OR2V2: variants seen among roughly 807,000 people sequenced by gnomAD.
OR2V2 encodes olfactory receptor family 2 subfamily V member 2.
For missense variants in OR2V2, 392 were observed against 392.2 expected, an observed-to-expected ratio of 1.00 and a Z score of 0.00; for synonymous variants, 161 against 151.3, an observed-to-expected ratio of 1.06 and a Z score of -0.47.
At chr5:181,153,252 T>C (rs193114576) in intron 1 of OR2V2, among the ~76,000 whole-genome samples, 1 of 152,364 alleles carries the variant, frequency 6.6e-6, no homozygotes, top group Non-Finnish European at 1.5e-5. Flanking sequence ...TGATCTGTTC[T>C]GTTATTTGCC....
At chr5:181,154,308 G>A (rs1763227764) in intron 1 of OR2V2, among the ~76,000 whole-genome samples, 2 of 152,114 alleles carry the variant, frequency 1.3e-5, no homozygotes, top group South Asian at 2.1e-4. Context: ...ATTCGGTATC[G>A]GCCGGGCGCG....
Position 181,147,777 on chromosome 5 carries a change from C to T in OR2V2, c.-243C>T, listed in dbSNP as rs1409603306. The T allele has an allele frequency of 1.3e-5, 5 of 388,034 alleles. No homozygotes were observed. Among genetic ancestry groups the T allele is most frequent in the East Asian group, 7.2e-5 (2 of 27,590 alleles). 24.0% of individuals were successfully genotyped at this position (388,034 alleles called of 1,614,324 possible). On this transcript the variant is annotated 5_prime_UTR_variant, in exon 1 of 2. Transcript: ENST00000641492. ...GGCTGTGGTCTGTGTGAGCCTCGCT[C>T]TCTGAGCCTGAGGGGCCACTGGAGG...
In OR2V2 at chr5:181,155,617, T is replaced by A; in HGVS notation, c.675T>A (p.Thr225=). The A allele has an allele frequency of 6.2e-7, 1 of 1,614,248 alleles. No homozygotes were observed. Among genetic ancestry groups the A allele is most frequent in the South Asian group, 1.1e-5 (1 of 91,084 alleles). ...CCTCCTATGCTCACATTCTAGGGAC[T>A]GTGCTGCAAATGCACTCTGCTCAGG... ...IVASYAHILG[T]VLQMHSAQAW... The change falls in exon 2 of 2, where the codon ACT becomes ACA. Residue 225 remains threonine (T), a synonymous_variant. Coordinates refer to ENST00000641492, the MANE Select transcript of OR2V2 (RefSeq NM_206880.2).
chr5:181,155,086 C>T lies in OR2V2; in HGVS notation c.144C>T (p.Phe48=). Residue 48 remains phenylalanine (F), a synonymous_variant, in exon 2 of 2, where the codon TTC becomes TTT. Coordinates refer to ENST00000641492, the MANE Select transcript of OR2V2 (RefSeq NM_206880.2). ...TCTGTGGGAATGTCCTCCTCATCTT[C>T]CTCATCTACATGGACCCTCACCTTC... ...VALCGNVLLI[F]LIYMDPHLHT... 1 of 1,614,194 alleles carries T rather than the reference C, an allele frequency of 6.2e-7. No individual in the cohort carries two copies.
intron 1 of OR2V2, among the ~76,000 whole-genome samples, chr5:181,152,788 G>A (rs1378948568): frequency 6.6e-6 from 1 of 152,240 alleles, no homozygotes; most frequent in Non-Finnish European, 1.5e-5. Context: ...GCCACGTGGT[G>A]AGGCACCTGC....
chr5:181,155,471 C>A lies in OR2V2; in HGVS notation c.529C>A (p.His177Asn), dbSNP rs756197727. ...FPYCGLRKVN[H>N]FFCEMLSLLK... ...CTACTGTGGCTTGAGGAAGGTGAAC[C>A]ATTTCTTCTGTGAGATGCTATCCTT... Residue 177 changes from histidine to asparagine, a missense_variant, in exon 2 of 2, where the codon CAT becomes AAT. By Grantham distance (68) the His-to-Asn change is moderately conservative. Coordinates refer to ENST00000641492, the MANE Select transcript of OR2V2 (RefSeq NM_206880.2). 6.2e-7 allele frequency: 1 copy of A among 1,614,176 alleles called. No individual in the cohort carries two copies. Among genetic ancestry groups the A allele is most frequent in the Non-Finnish European group, 8.5e-7 (1 of 1,180,044 alleles).
At position 181,155,586 on chromosome 5, in the gene OR2V2, T is replaced by C; in HGVS notation, c.644T>C (p.Ile215Thr). The change falls in exon 2 of 2, where the codon ATC becomes ACC. Residue 215 changes from isoleucine (I) to threonine (T), a missense_variant. Physicochemically the swap from Ile to Thr is moderately conservative, Grantham distance 89. Coordinates refer to ENST00000641492, the MANE Select transcript of OR2V2 (RefSeq NM_206880.2). ...VFMLLFPFSI[I>T]VASYAHILGT... Reference sequence around the variant, plus strand: ...ATGCTTCTCTTCCCATTCTCCATCATCGTGGCCTCCTATGCTCACATTCTA... The same window carrying C: ...ATGCTTCTCTTCCCATTCTCCATCACCGTGGCCTCCTATGCTCACATTCTA... 1 of 1,614,258 alleles carries C rather than the reference T, an allele frequency of 6.2e-7. No individual in the cohort carries two copies.
At chr5:181,154,463 G>T (rs780000924) in intron 1 of OR2V2, among the ~76,000 whole-genome samples, 2 of 152,026 alleles carry the variant, frequency 1.3e-5, no homozygotes, top group South Asian at 2.1e-4. Flanking sequence ...GGTGGCGGGC[G>T]CCTGTAGTCC....
At chr5:181,153,719 G>A (rs1484330311) in intron 1 of OR2V2, among the ~76,000 whole-genome samples, 1 of 152,098 alleles carries the variant, frequency 6.6e-6, no homozygotes, top group Admixed American at 6.6e-5. Flanking sequence ...TAAATATCAA[G>A]GGAAACCCCT....
In OR2V2 at chr5:181,147,652, G is replaced by A; in HGVS notation, c.-368G>A. 1 of 243,060 alleles carries A rather than the reference G, an allele frequency of 4.1e-6. No homozygotes were observed. 15.1% of individuals were successfully genotyped at this position (243,060 alleles called of 1,614,324 possible). On this transcript the variant is annotated 5_prime_UTR_variant, in exon 1 of 2. Transcript: ENST00000641492. ...TGGCCAGAGCCAGGGTGTCCTGGAGGCAGGTGGGAATCCTGGGTGGGCTCA... is the reference window on the plus strand; with the variant it reads ...TGGCCAGAGCCAGGGTGTCCTGGAGACAGGTGGGAATCCTGGGTGGGCTCA...
rs377285819 is a variant in OR2V2 at position 181,147,841 on chromosome 5, G to A, written c.-179G>A. The A allele has an allele frequency of 1.3e-4, 52 of 395,296 alleles. No individual in the cohort carries two copies. Among genetic ancestry groups the A allele is most frequent in the Non-Finnish European group, 2.1e-4 (47 of 224,428 alleles). The allele number at this position is 395,296 out of a possible 1,614,324, so 24.5% of individuals were successfully genotyped here. On this transcript the variant is annotated 5_prime_UTR_variant, in exon 1 of 2. Coordinates refer to ENST00000641492, the MANE Select transcript of OR2V2 (RefSeq NM_206880.2). ...GGGCTCCACAGCCCGATGAGTAGTC[G>A]GTGCGGGCTGAGGAAGGAGGTTGGG...
rs1310258482 is a variant in OR2V2, at chr5:181,156,749, A to G, written c.*859A>G. ...TTGTAGCCCAACCCTAGGGTCTTAA[A>G]TGAACAACTTACAGATGACAGAAAA... On this transcript the variant is annotated 3_prime_UTR_variant, in exon 2 of 2. Transcript: ENST00000641492. 1 of 152,228 alleles carries G rather than the reference A, an allele frequency of 6.6e-6. No individual in the cohort carries two copies. Among genetic ancestry groups the G allele is most frequent in the African/African-American group, 2.4e-5 (1 of 41,458 alleles). The allele number at this position is 152,228 out of a possible 1,614,324, so 9.4% of individuals were successfully genotyped here. A position where few individuals can be genotyped will look rare whatever the true frequency, so the allele number is the denominator to read the frequency against.
rs1020525763 is a variant in OR2V2 at position 181,156,912 on chromosome 5, A to G, written c.*1022A>G. 6.6e-6 allele frequency: 1 copy of G among 152,240 alleles called. No individual in the cohort carries two copies. Among genetic ancestry groups the G allele is most frequent in the African/African-American group, 2.4e-5 (1 of 41,448 alleles). 9.4% of individuals were successfully genotyped at this position (152,240 alleles called of 1,614,324 possible). A position where few individuals can be genotyped will look rare whatever the true frequency, so the allele number is the denominator to read the frequency against. ...CATGCTTGCTTGTGTATTCAGTGGAAATCCCCCAAGCCTGCTGTCTCCTCA... is the reference window on the plus strand; with the variant it reads ...CATGCTTGCTTGTGTATTCAGTGGAGATCCCCCAAGCCTGCTGTCTCCTCA... On this transcript the variant is annotated 3_prime_UTR_variant, in exon 2 of 2. Coordinates refer to ENST00000641492, the MANE Select transcript of OR2V2 (RefSeq NM_206880.2).
rs1306057460 is a variant in OR2V2, at chr5:181,158,784, T to C, written c.*2894T>C. On this transcript the variant is annotated 3_prime_UTR_variant, in exon 2 of 2. Transcript: ENST00000641492. ...GCCTGACATTTTTTATAATTAACAG[T>C]TTAAAATGCTCAAGGCCAGTTTTTT... The C allele has an allele frequency of 6.7e-6, 1 of 149,988 alleles. No individual in the cohort carries two copies. Among genetic ancestry groups the C allele is most frequent in the Non-Finnish European group, 1.5e-5 (1 of 67,448 alleles). The allele number at this position is 149,988 out of a possible 1,614,324, so 9.3% of individuals were successfully genotyped here.
rs1480335881 is a variant in OR2V2, at chr5:181,157,114, T to A, written c.*1224T>A. 1 of 152,276 alleles carries A rather than the reference T, an allele frequency of 6.6e-6. No homozygotes were observed. Among genetic ancestry groups the A allele is most frequent in the Non-Finnish European group, 1.5e-5 (1 of 68,052 alleles). The allele number at this position is 152,276 out of a possible 1,614,324, so 9.4% of individuals were successfully genotyped here. ...GAACTATTTGCAGGACTTGTATCCA[T>A]CCTTCCAAGCTCTGTACCTGTCCTA... On this transcript the variant is annotated 3_prime_UTR_variant, in exon 2 of 2. Transcript: ENST00000641492.
rs757991325 is a variant in OR2V2 at position 181,155,894 on chromosome 5, C to T, written c.*4C>T. 13 of 1,605,032 alleles carry T rather than the reference C, an allele frequency of 8.1e-6. No individual in the cohort carries two copies. Among genetic ancestry groups the T allele is most frequent in the Non-Finnish European group, 9.4e-6 (11 of 1,173,142 alleles). On this transcript the variant is annotated 3_prime_UTR_variant, in exon 2 of 2. Transcript: ENST00000641492. The stretch of plus-strand genomic sequence containing the variant: ...CAGGATCGGCAGCCAGCACTGAACC[C>T]AGGGCATCCAGTGCCTGGCTCTGCC...
At chr5:181,153,472 G>A (rs1041406651) in intron 1 of OR2V2, among the ~76,000 whole-genome samples, 1 of 152,052 alleles carries the variant, frequency 6.6e-6, no homozygotes, top group Non-Finnish European at 1.5e-5. Flanking sequence ...GGATCGCTTG[G>A]GCTCAGGAGC....
At chr5:181,149,374 C>A (rs1410988245) in intron 1 of OR2V2, among the ~76,000 whole-genome samples, 2 of 152,278 alleles carry the variant, frequency 1.3e-5, no homozygotes, top group East Asian at 3.9e-4. Flanking sequence ...CTGTCTTCAA[C>A]CAAGCTGGGA....
Position 181,147,892 on chromosome 5 carries a change from C to G in OR2V2, c.-128C>G, listed in dbSNP as rs1763143517. On this transcript the variant is annotated 5_prime_UTR_variant, in exon 1 of 2. Coordinates refer to ENST00000641492, the MANE Select transcript of OR2V2 (RefSeq NM_206880.2). ...GCTGCGGCTCCTCCTGTCCCCTGACCCAGTGGGAGCAAAAACAGGAGGATG... is the reference window on the plus strand; with the variant it reads ...GCTGCGGCTCCTCCTGTCCCCTGACGCAGTGGGAGCAAAAACAGGAGGATG... The G allele has an allele frequency of 3.5e-5, 14 of 397,524 alleles. No individual in the cohort carries two copies. The South Asian group carries it at 1.8e-3, about 51-fold the overall frequency. 24.6% of individuals were successfully genotyped at this position (397,524 alleles called of 1,614,324 possible).
Sources: gnomAD v4.1 joint callset for allele counts (sites outside exome capture counted in the v4.1 genomes callset) on GRCh38, gnomAD v4.1.1 for gene constraint, MANE v1.5 for transcripts, NCBI Gene and HGNC (gene_info 2026-07-23, HGNC 2026-07-21) for gene names.